Variants in ACO1 observed in about 807,000 individuals in gnomAD.
ACO1 encodes the protein cytoplasmic aconitate hydratase.
ACO1 carries 78 observed loss-of-function variants against 105.1 expected under a neutral mutation model. The observed-to-expected ratio is 0.74, with a 90% CI of 0.62 to 0.90. The LOEUF (loss-of-function observed/expected upper bound fraction) is 0.90. Among genes scored for constraint, ACO1 ranks in the 40% least tolerant of loss-of-function variants. The probability of loss-of-function intolerance (pLI) is 0.00; values close to 1 mark genes in which losing one functional copy is unlikely to be tolerated. For synonymous variants in ACO1, 364 were observed against 397.4 expected (o/e 0.92, Z 1.00); for missense variants, 965 against 1,111.1 (o/e 0.87, Z 1.87).
At chr9:32,424,034 GACA>G (rs1822033292) in intron 9 of ACO1, among the ~76,000 whole-genome samples, 1 of 152,130 alleles carries the variant, frequency 6.6e-6, no homozygotes, top group African/African-American at 2.4e-5. Context: ...CGTTTTTCTA[GACA>G]ACAAGGTAAA....
chr9:32,389,900 G>A (rs1821231768), intron 1 of ACO1, among the ~76,000 whole-genome samples: 1 of 150,114 alleles, frequency 6.7e-6, no homozygotes, highest in Non-Finnish European at 1.5e-5. Context: ...CCGGGTTCAA[G>A]CAATTCTTCT....
intron 12 of ACO1, among the ~76,000 whole-genome samples, chr9:32,428,462 G>T (rs1587542963): frequency 6.6e-6 from 1 of 151,548 alleles, no homozygotes; most frequent in Non-Finnish European, 1.5e-5. Context: ...ACTTCCTGAA[G>T]AACCTTCCTG....
chr9:32,384,712 G>T lies in ACO1; in HGVS notation c.-46G>T, dbSNP rs1183326595. 5.3e-5 allele frequency: 22 copies of T among 412,706 alleles called. 2 individuals are homozygous for T. The highest frequency in any genetic ancestry group is 2.4e-4 in the African/African-American group (11 of 46,176). 25.6% of individuals were successfully genotyped at this position (412,706 alleles called of 1,614,324 possible). On this transcript the variant is annotated 5_prime_UTR_variant, in exon 1 of 21. Coordinates refer to ENST00000309951, the MANE Select transcript of ACO1 (RefSeq NM_002197.3). Reference sequence around the variant, plus strand: ...TGCTTGGGTCAGGTTCGCCGGTCGCGGGAGCCCCGCCGTGCAGTCGGAGGT... The same window carrying T: ...TGCTTGGGTCAGGTTCGCCGGTCGCTGGAGCCCCGCCGTGCAGTCGGAGGT...
Position 32,387,523 on chromosome 9 carries a change from G to T in ACO1, c.-23+2788G>T, listed in dbSNP as rs545700830. ...GTCTGAGCCAAGGTGCTTTTGGTTTGTTTTTTTAGTAGAAAACAGACTCTT... is the reference window on the plus strand; with the variant it reads ...GTCTGAGCCAAGGTGCTTTTGGTTTTTTTTTTTAGTAGAAAACAGACTCTT... On this transcript the variant is annotated intron_variant, in intron 1 of 20. Coordinates refer to ENST00000309951, the MANE Select transcript of ACO1 (RefSeq NM_002197.3). Among the ~76,000 whole-genome samples the T allele has an allele frequency of 5.6e-4, 85 of 152,030 alleles. 1 individual carries two copies. Among genetic ancestry groups the T allele is most frequent in the Admixed American group, 5.2e-3 (79 of 15,270 alleles).
chr9:32,412,164 C>T (rs1821754032), intron 4 of ACO1, among the ~76,000 whole-genome samples: 1 of 152,164 alleles, frequency 6.6e-6, no homozygotes, highest in Non-Finnish European at 1.5e-5. Context: ...TTACGGTATA[C>T]CCCTGAAGTG....
At chr9:32,424,902 C>A (rs10970973) in intron 10 of ACO1, among the ~76,000 whole-genome samples, 2 of 150,472 alleles carry the variant, frequency 1.3e-5, no homozygotes, top group East Asian at 1.9e-4. Flanking sequence ...TTCACAGGAC[C>A]CTCACCACAC....
intron 19 of ACO1, among the ~76,000 whole-genome samples, chr9:32,448,127 C>G (rs1822662876): frequency 6.6e-6 from 1 of 152,188 alleles, no homozygotes; most frequent in Non-Finnish European, 1.5e-5. Context: ...TTTAAGTGTG[C>G]TGAAGCTGCA....
At chr9:32,440,677 A>C in intron 19 of ACO1, 90 bp downstream of exon 19, 2 of 1,503,704 alleles carry the variant, frequency 1.3e-6, no homozygotes, top group Admixed American at 4.3e-5. Context: ...CTTTCCAAGA[A>C]GATGTCAAGG....
intron 7 of ACO1, among the ~76,000 whole-genome samples, chr9:32,419,498 A>G (rs994153831): frequency 6.6e-6 from 1 of 152,248 alleles, no homozygotes. Context: ...CCATTTTGTC[A>G]TAGTTGCTTC....
At chr9:32,391,984 A>G (rs536340430) in intron 1 of ACO1, among the ~76,000 whole-genome samples, 1 of 152,336 alleles carries the variant, frequency 6.6e-6, no homozygotes, top group Non-Finnish European at 1.5e-5. Context: ...AAATCAGTCT[A>G]AGTGCTAATA....
At chr9:32,444,039 C>T (rs1822543673) in intron 19 of ACO1, among the ~76,000 whole-genome samples, 1 of 137,722 alleles carries the variant, frequency 7.3e-6, no homozygotes. Flanking sequence ...TCTCATTGTT[C>T]AACTCCCACT....
intron 18 of ACO1, among the ~76,000 whole-genome samples, chr9:32,438,804 C>T (rs1822418057): frequency 6.6e-6 from 1 of 151,886 alleles, no homozygotes; most frequent in Non-Finnish European, 1.5e-5. Context: ...ACCAAAATAA[C>T]TATATTGGGA....
intron 3 of ACO1, 87 bp from the exon 4 acceptor site, chr9:32,408,427 C>A: frequency 6.7e-7 from 1 of 1,493,992 alleles, no homozygotes; most frequent in Non-Finnish European, 9.2e-7. Flanking sequence ...AGGGCCTTGT[C>A]AATATTATCA....
Position 32,419,113 on chromosome 9 carries a change from A to G in ACO1, c.734A>G (p.Tyr245Cys). 6.2e-7 allele frequency: 1 copy of G among 1,609,962 alleles called. No individual in the cohort carries two copies. Among genetic ancestry groups the G allele is most frequent in the Non-Finnish European group, 8.5e-7 (1 of 1,178,028 alleles). Reference protein sequence around the residue: ...ISMVLPQVIGYRLMGKPHPLV... With the variant: ...ISMVLPQVIGCRLMGKPHPLV... ...ATGGTGCTTCCTCAGGTGATTGGCT[A>G]CAGGCTGATGGGGAAGCCCCACCCT... The change falls in exon 7 of 21, where the codon TAC (tyrosine) becomes TGC (cysteine). Residue 245 changes from tyrosine to cysteine, a missense_variant. Coordinates refer to ENST00000309951, the MANE Select transcript of ACO1 (RefSeq NM_002197.3).
chr9:32,405,634 T>A (rs771208100), intron 2 of ACO1, 31 bp downstream of exon 2: 7 of 1,480,512 alleles, frequency 4.7e-6, no homozygotes, highest in Non-Finnish European at 3.8e-6. Context: ...GCAATTGGAA[T>A]CTCATTTGCA....
Position 32,405,523 on chromosome 9 carries a change from C to A in ACO1, c.17C>A (p.Ala6Glu), listed in dbSNP as rs1031755059. 6.2e-7 allele frequency: 1 copy of A among 1,613,572 alleles called. No individual in the cohort carries two copies. The highest frequency in any genetic ancestry group is 1.3e-5 in the African/African-American group (1 of 74,914). The change falls in exon 2 of 21, where the codon GCA (alanine) becomes GAA (glutamate). Residue 6 changes from alanine (A) to glutamate (E), a missense_variant. Physicochemically the swap from Ala to Glu is moderately radical, Grantham distance 107 (BLOSUM62 -1). Transcript: ENST00000309951. ...TCAGTAATCATGAGCAACCCATTCG[C>A]ACACCTTGCTGAGCCATTGGATCCT... MSNPF[A>E]HLAEPLDPVQ... is the part of the protein sequence containing the mutation.
intron 17 of ACO1, among the ~76,000 whole-genome samples, chr9:32,435,534 T>C (rs80113679): frequency 6.6e-6 from 1 of 152,174 alleles, no homozygotes; most frequent in South Asian, 2.1e-4. Flanking sequence ...TTAAATAATA[T>C]TAACACACCC....
chr9:32,430,724 C>T, intron 14 of ACO1, 150 bp downstream of exon 14: 1 of 871,142 alleles, frequency 1.1e-6, no homozygotes, highest in Non-Finnish European at 1.6e-6. Flanking sequence ...CAATATACAG[C>T]TAAGACTTAA....
intron 10 of ACO1, among the ~76,000 whole-genome samples, chr9:32,424,984 C>G (rs530286875): frequency 6.6e-6 from 1 of 152,338 alleles, no homozygotes; most frequent in East Asian, 1.9e-4. Flanking sequence ...AGTCTCTTCT[C>G]CAACTCATAT....
Sources: gnomAD v4.1 joint callset for allele counts (sites outside exome capture counted in the v4.1 genomes callset) on GRCh38, gnomAD v4.1.1 for gene constraint, MANE v1.5 for transcripts, NCBI Gene and HGNC (gene_info 2026-07-23, HGNC 2026-07-21) for gene names.